The following RBFOX1 variants were observed in gnomAD, a reference collection of about 807,000 sequenced individuals.
The protein encoded by RBFOX1 is RNA binding protein fox-1 homolog 1.
In RBFOX1, 8 loss-of-function variants were observed where a neutral mutation model predicts 57.7. That is an observed-to-expected ratio of 0.14 (90% CI 0.08 to 0.25). RBFOX1 has a LOEUF of 0.25. Ranked by LOEUF, RBFOX1 falls within the 10% of genes least tolerant of loss-of-function variation. The pLI is 1.00. For missense variants in RBFOX1, 611 were observed against 548.5 expected, an observed-to-expected ratio of 1.11 and a Z score of -1.14; for synonymous variants, 326 against 222.4, an observed-to-expected ratio of 1.47 and a Z score of -4.15.
intron 1 of RBFOX1, among the ~76,000 whole-genome samples, chr16:5,452,034 C>A (rs572104132): frequency 1.8e-4 from 27 of 151,998 alleles, no homozygotes; most frequent in Non-Finnish European, 3.4e-4. Context: ...CTTCTGGGTT[C>A]CTCTCCTAGG....
chr16:5,508,640 A>G lies in RBFOX1; in HGVS notation c.258+41386A>G, dbSNP rs573607008. Among the ~76,000 whole-genome samples, 15 of 151,922 alleles carry G rather than the reference A, an allele frequency of 9.9e-5. 1 individual carries two copies. In the South Asian group the frequency reaches 3.1e-3, roughly 32 times the overall value. On this transcript the variant is annotated intron_variant, in intron 2 of 2. Transcript: ENST00000585867. ...TGTTGGGGGTGGGGGGACTGCACAG[A>G]GCGATTGTACAGAGTGCCACACCCA... is the stretch of plus-strand genomic sequence containing the variant.
intron 2 of RBFOX1, among the ~76,000 whole-genome samples, chr16:6,391,372 T>A (rs1459636264): frequency 6.6e-6 from 1 of 151,950 alleles, no homozygotes; most frequent in African/African-American, 2.4e-5. Context: ...TAGCCAGGCA[T>A]GGCGGCGGGC....
intron 3 of RBFOX1, among the ~76,000 whole-genome samples, chr16:5,771,006 G>C (rs1179643369): frequency 6.6e-6 from 1 of 152,168 alleles, no homozygotes. Flanking sequence ...GTCTGCAAAC[G>C]AGCAGTGTTG....
chr16:6,543,373 G>C (rs924460547), intron 2 of RBFOX1, among the ~76,000 whole-genome samples: 1 of 152,112 alleles, frequency 6.6e-6, no homozygotes, highest in South Asian at 2.1e-4. Context: ...CTACTCGGTG[G>C]CTTCTCAAAG....
intron 1 of RBFOX1, among the ~76,000 whole-genome samples, chr16:5,364,195 G>C (rs897062792): frequency 6.6e-6 from 1 of 152,196 alleles, no homozygotes; most frequent in African/African-American, 2.4e-5. Flanking sequence ...TCACATTTAG[G>C]AACAACTTCT....
intron 3 of RBFOX1, among the ~76,000 whole-genome samples, chr16:5,827,974 C>A (rs2056131859): frequency 7.0e-6 from 1 of 142,160 alleles, no homozygotes; most frequent in Non-Finnish European, 1.5e-5. Context: ...TGCATCCATC[C>A]ATGCATTCCT....
At chr16:6,368,306 C>T (rs1446111653) in intron 2 of RBFOX1, among the ~76,000 whole-genome samples, 1 of 152,178 alleles carries the variant, frequency 6.6e-6, no homozygotes, top group African/African-American at 2.4e-5. Context: ...GCTCAGCCTG[C>T]CCCAAACCCC....
chr16:7,330,959 G>T (rs1222539890), intron 4 of RBFOX1, among the ~76,000 whole-genome samples: 1 of 152,130 alleles, frequency 6.6e-6, no homozygotes, highest in Non-Finnish European at 1.5e-5. Flanking sequence ...AACAGTATCG[G>T]GCTGTTGAGT....
intron 1 of RBFOX1, among the ~76,000 whole-genome samples, chr16:6,164,005 T>G (rs950851228): frequency 6.6e-6 from 1 of 152,326 alleles, no homozygotes; most frequent in Non-Finnish European, 1.5e-5. Context: ...GTCACAGAGT[T>G]ACATTTTTGT....
At chr16:6,922,926 C>A (rs576751679) in intron 3 of RBFOX1, among the ~76,000 whole-genome samples, 3 of 152,074 alleles carry the variant, frequency 2.0e-5, no homozygotes, top group Non-Finnish European at 4.4e-5. Flanking sequence ...TCCTTTTGGC[C>A]ATTTTTGATA....
intron 3 of RBFOX1, among the ~76,000 whole-genome samples, chr16:6,833,317 C>A (rs547479698): frequency 6.6e-6 from 1 of 151,842 alleles, no homozygotes; most frequent in Non-Finnish European, 1.5e-5. Flanking sequence ...AGGCTCCCAA[C>A]ACCATGCCTG....
At chr16:5,420,977 T>C (rs28535243) in intron 1 of RBFOX1, among the ~76,000 whole-genome samples, 2,513 of 122,794 alleles carry the variant, frequency 0.02, 75 homozygotes, top group African/African-American at 0.083. Context: ...TCCTCCTCCT[T>C]CTTCCCTTCC....
intron 2 of RBFOX1, among the ~76,000 whole-genome samples, chr16:6,327,127 C>T (rs1037681104): frequency 6.6e-6 from 1 of 152,194 alleles, no homozygotes; most frequent in African/African-American, 2.4e-5. Context: ...CCACTTTCCT[C>T]TGCAATCCCA....
intron 3 of RBFOX1, among the ~76,000 whole-genome samples, chr16:6,999,676 C>A (rs2092616852): frequency 6.6e-6 from 1 of 151,830 alleles, no homozygotes; most frequent in African/African-American, 2.4e-5. Context: ...TGAAGCAAAT[C>A]CAAAATATAC....
intron 2 of RBFOX1, among the ~76,000 whole-genome samples, chr16:6,323,978 G>A (rs918449350): frequency 6.6e-6 from 1 of 152,070 alleles, no homozygotes; most frequent in African/African-American, 2.4e-5. Context: ...TTGCCATGTT[G>A]GCCAGCCTGG....
rs34409151 is a variant in RBFOX1 at position 5,571,215 on chromosome 16, CT to C, written c.259-27664del. Among the ~76,000 whole-genome samples the C allele has an allele frequency of 8.7e-3, 692 of 79,782 alleles. 5 individuals are homozygous for C. Among genetic ancestry groups the C allele is most frequent in the African/African-American group, 0.032 (638 of 19,676 alleles). The allele number at this position is 79,782 out of a possible 152,430, so 52.3% of individuals were successfully genotyped here. On this transcript the variant is annotated intron_variant, in intron 2 of 2. Coordinates refer to the RBFOX1 transcript ENST00000585867. The stretch of plus-strand genomic sequence containing the variant: ...TGGTAGTGAAGTGACCCATCTTTGA[CT>C]TTTTTTTTTTTTTTTTTTTTTTGAG...
intron 3 of RBFOX1, among the ~76,000 whole-genome samples, chr16:5,647,688 C>G (rs536778456): frequency 1.3e-5 from 2 of 152,064 alleles, no homozygotes; most frequent in African/African-American, 2.4e-5. Context: ...AGAACTAATC[C>G]GTAGCTTAAC....
intron 4 of RBFOX1, among the ~76,000 whole-genome samples, chr16:7,076,642 A>G (rs183616914): frequency 6.6e-6 from 1 of 152,298 alleles, no homozygotes; most frequent in East Asian, 1.9e-4. Context: ...TTTTCCTCCC[A>G]ATAATATACC....
chr16:6,209,247 G>A (rs1448590519), intron 1 of RBFOX1, among the ~76,000 whole-genome samples: 1 of 152,160 alleles, frequency 6.6e-6, no homozygotes, highest in East Asian at 1.9e-4. Flanking sequence ...AAAACACCAG[G>A]GAAGAGGGGC....
Sources: allele counts gnomAD v4.1 joint callset (sites outside exome capture counted in the v4.1 genomes callset), GRCh38; gene constraint gnomAD v4.1.1; transcripts MANE v1.5; gene names NCBI Gene and HGNC (gene_info 2026-07-23, HGNC 2026-07-21).